The following FBLN7 variants were observed in gnomAD, a reference collection of about 807,000 sequenced individuals.
The protein encoded by FBLN7 is fibulin-7.
Under a neutral mutation model 44.0 loss-of-function variants are expected in FBLN7, and 31 were observed. The observed-to-expected ratio is 0.70, with a 90% CI of 0.53 to 0.95. FBLN7 has a LOEUF of 0.95. Ranked by LOEUF, FBLN7 falls within the 40% of genes least tolerant of loss-of-function variation. FBLN7 has a pLI of 0.00. For synonymous variants in FBLN7, 262 were observed against 253.4 expected (o/e 1.03, Z -0.32); for missense variants, 573 against 618.5 (o/e 0.93, Z 0.78).
chr2:112,172,833 C>T (rs1432966586), intron 3 of FBLN7, among the ~76,000 whole-genome samples: 1 of 152,018 alleles, frequency 6.6e-6, no homozygotes, highest in Non-Finnish European at 1.5e-5. Flanking sequence ...AAGGTTTCGC[C>T]ATGTTGGCCA....
chr2:112,191,586 T>A (rs1023074590), downstream of FBLN7, among the ~76,000 whole-genome samples: 1 of 152,184 alleles, frequency 6.6e-6, no homozygotes, highest in Non-Finnish European at 1.5e-5. Flanking sequence ...AAAAAATTCT[T>A]ATAAGAACAA....
At chr2:112,192,671 T>C (rs1263595955), downstream of FBLN7, among the ~76,000 whole-genome samples, 5 of 152,210 alleles carry the variant, frequency 3.3e-5, no homozygotes, top group African/African-American at 9.7e-5. Flanking sequence ...AGTCTGAACA[T>C]GTGCTCAAGG....
the FBLN7 span, among the ~76,000 whole-genome samples, chr2:112,242,791 TA>T: frequency 6.6e-6 from 1 of 152,228 alleles, no homozygotes; most frequent in South Asian, 2.1e-4. Context: ...CTCTTCTGAT[TA>T]AAATTATTCT....
At chr2:112,212,964 G>GTTTTTTTTTTTTTTTTTTTTT in the FBLN7 span, 1 of 99,438 alleles carries the variant, frequency 1.0e-5, no homozygotes, top group Admixed American at 1.1e-4. Context: ...CAGAAGAAAT[G>GTTTTTTTTTTTTTTTTTTTTT]CTTTTTTTTT....
chr2:112,239,729 C>T, the FBLN7 span, among the ~76,000 whole-genome samples: 15 of 152,044 alleles, frequency 9.9e-5, no homozygotes, highest in African/African-American at 3.6e-4. Flanking sequence ...GGACTACAGG[C>T]ATGCACCACC....
intron 2 of FBLN7, among the ~76,000 whole-genome samples, chr2:112,160,790 ACG>A (rs1681801400): frequency 2.1e-5 from 3 of 142,244 alleles, no homozygotes; most frequent in Non-Finnish European, 4.6e-5. Flanking sequence ...ACGCACGCAC[ACG>A]CACACACGCA....
the FBLN7 span, chr2:112,233,259 T>C: frequency 1.3e-6 from 2 of 1,541,298 alleles, no homozygotes; most frequent in Admixed American, 4.1e-5. Flanking sequence ...ATAAAGGATA[T>C]TATGCAAATA....
At chr2:112,234,916 A>T in the FBLN7 span, among the ~76,000 whole-genome samples, 1 of 152,194 alleles carries the variant, frequency 6.6e-6, no homozygotes, top group Admixed American at 6.5e-5. Context: ...AGTGAACCAA[A>T]AGCAGTGGAA....
At chr2:112,202,873 A>G in the FBLN7 span, among the ~76,000 whole-genome samples, 8 of 152,168 alleles carry the variant, frequency 5.3e-5, no homozygotes, top group Admixed American at 5.2e-4. Context: ...TCACTATTTG[A>G]TCTCACAGCT....
At chr2:112,173,010 G>A (rs1447365731) in intron 3 of FBLN7, among the ~76,000 whole-genome samples, 2 of 152,166 alleles carry the variant, frequency 1.3e-5, no homozygotes, top group Admixed American at 1.3e-4. Context: ...ATTTTCCAGG[G>A]CAAAGTCTTA....
intron 1 of FBLN7, among the ~76,000 whole-genome samples, chr2:112,145,143 A>G (rs918462422): frequency 6.6e-5 from 10 of 152,164 alleles, no homozygotes; most frequent in Non-Finnish European, 1.5e-5. Context: ...CATTCTAGTA[A>G]GCATGCAGTG....
chr2:112,145,691 C>A (rs1680870523), intron 1 of FBLN7, among the ~76,000 whole-genome samples: 1 of 152,064 alleles, frequency 6.6e-6, no homozygotes, highest in Non-Finnish European at 1.5e-5. Context: ...TTTATTATGA[C>A]CCATGTTGAG....
intron 2 of FBLN7, among the ~76,000 whole-genome samples, chr2:112,160,079 C>T (rs917547280): frequency 1.6e-4 from 25 of 152,196 alleles, no homozygotes; most frequent in African/African-American, 5.6e-4. Flanking sequence ...CAAGCTCCGC[C>T]TCCCGGGTTC....
At chr2:112,204,167 G>A in the FBLN7 span, among the ~76,000 whole-genome samples, 2 of 151,618 alleles carry the variant, frequency 1.3e-5, no homozygotes, top group Non-Finnish European at 2.9e-5. Context: ...AAAAGTATAA[G>A]GCTGAAATAA....
At chr2:112,148,013 C>T (rs1232945356) in intron 1 of FBLN7, among the ~76,000 whole-genome samples, 1 of 152,166 alleles carries the variant, frequency 6.6e-6, no homozygotes, top group Non-Finnish European at 1.5e-5. Context: ...CGCCAGCTCT[C>T]CTCCCCACTG....
rs926717770 is a variant in FBLN7 at position 112,187,664 on chromosome 2, T to A, written c.*158T>A. On this transcript the variant is annotated 3_prime_UTR_variant, in exon 8 of 8. Transcript: ENST00000331203. This position sits in a 1 kb window ranked among gnomAD's most constrained non-coding sequence, Gnocchi z 5.1. ...CAGCGTTGCACGGCGCCCCATGGAATAGCACGGAAGAGCAGCCACAAAACT... is the reference window on the plus strand; with the variant it reads ...CAGCGTTGCACGGCGCCCCATGGAAAAGCACGGAAGAGCAGCCACAAAACT... 2 of 983,130 alleles carry A rather than the reference T, an allele frequency of 2.0e-6. No individual in the cohort carries two copies. Among genetic ancestry groups the A allele is most frequent in the African/African-American group, 1.6e-5 (1 of 61,426 alleles). 60.9% of individuals were successfully genotyped at this position (983,130 alleles called of 1,614,324 possible).
chr2:112,194,274 T>TA, the FBLN7 span, among the ~76,000 whole-genome samples: 1 of 152,180 alleles, frequency 6.6e-6, no homozygotes. Flanking sequence ...CGTAAACACT[T>TA]AGAGATTTTC....
intron 6 of FBLN7, 62 bp downstream of exon 6, chr2:112,182,990 G>T (rs1220010023): frequency 6.3e-7 from 1 of 1,586,864 alleles, no homozygotes; most frequent in Non-Finnish European, 8.5e-7. Context: ...GAACCCCCAG[G>T]ACCTCACAGT....
At chr2:112,214,674 G>A in the FBLN7 span, 19 of 152,292 alleles carry the variant, frequency 1.2e-4, no homozygotes, top group South Asian at 1.2e-3. Flanking sequence ...TGGGGGCGTG[G>A]CTGAAGCAGT....
Sources: allele counts gnomAD v4.1 joint callset (sites outside exome capture counted in the v4.1 genomes callset), GRCh38; gene constraint gnomAD v4.1.1; non-coding constraint Gnocchi (gnomAD v3.1); transcripts MANE v1.5; gene names NCBI Gene and HGNC (gene_info 2026-07-23, HGNC 2026-07-21).